Variants in CTNNA2 observed in about 807,000 individuals in gnomAD.
CTNNA2 encodes the protein catenin alpha 2.
Under a neutral mutation model 101.0 loss-of-function variants are expected in CTNNA2, and 42 were observed. That is an observed-to-expected ratio of 0.42 (90% CI 0.32 to 0.54). The LOEUF is 0.54. Ranked by LOEUF, CTNNA2 falls within the 20% of genes least tolerant of loss-of-function variation. The pLI is 0.14. For synonymous variants in CTNNA2, 450 were observed against 456.4 expected (o/e 0.99, Z 0.18); for missense variants, 871 against 1,223.1 (o/e 0.71, Z 4.29).
At chr2:80,057,026 A>G (rs72924629) in intron 7 of CTNNA2, among the ~76,000 whole-genome samples, 3,477 of 152,274 alleles carry the variant, frequency 0.023, 130 homozygotes, top group African/African-American at 0.079. Flanking sequence ...GAACGGGTGA[A>G]GTTAACTCAT....
chr2:79,476,303 G>A (rs1375730832), intron 4 of CTNNA2, among the ~76,000 whole-genome samples: 1 of 152,112 alleles, frequency 6.6e-6, no homozygotes, highest in Non-Finnish European at 1.5e-5. Context: ...TGGAGTATAG[G>A]CACAGTATCT....
At chr2:79,966,521 C>CA (rs1690074302) in intron 7 of CTNNA2, among the ~76,000 whole-genome samples, 1 of 152,164 alleles carries the variant, frequency 6.6e-6, no homozygotes, top group Admixed American at 6.5e-5. Context: ...CAGGCTTTAG[C>CA]CTCTGTGCCT....
At chr2:80,212,698 G>A (rs1707980833) in intron 7 of CTNNA2, among the ~76,000 whole-genome samples, 1 of 152,126 alleles carries the variant, frequency 6.6e-6, no homozygotes. Context: ...TTGTGTCTCT[G>A]CCAGGCTTTG....
At chr2:79,296,180 T>C (rs1482168509) in intron 2 of CTNNA2, among the ~76,000 whole-genome samples, 1 of 152,114 alleles carries the variant, frequency 6.6e-6, no homozygotes, top group Non-Finnish European at 1.5e-5. Context: ...GTATCCAGGA[T>C]ACAAACATTA....
intron 1 of CTNNA2, among the ~76,000 whole-genome samples, chr2:79,564,084 C>G (rs1216709205): frequency 6.6e-6 from 1 of 152,016 alleles, no homozygotes; most frequent in Non-Finnish European, 1.5e-5. Context: ...CGTGGGTTTG[C>G]GTATCACCTA....
intron 4 of CTNNA2, among the ~76,000 whole-genome samples, chr2:79,472,890 T>C (rs1047198846): frequency 6.6e-6 from 1 of 152,256 alleles, no homozygotes; most frequent in African/African-American, 2.4e-5. Flanking sequence ...GTATCCAATT[T>C]AATTATGCTA....
chr2:79,280,686 A>G, intron 2 of CTNNA2, among the ~76,000 whole-genome samples: 1 of 39,092 alleles, frequency 2.6e-5, no homozygotes, highest in East Asian at 6.8e-4. Flanking sequence ...AGAGAGAGAA[A>G]GAGAGAGAGA....
intron 7 of CTNNA2, among the ~76,000 whole-genome samples, chr2:80,211,906 G>C (rs1707918403): frequency 6.6e-6 from 1 of 152,102 alleles, no homozygotes; most frequent in African/African-American, 2.4e-5. Flanking sequence ...GCAGTGGTTT[G>C]TAGTTCTCCT....
rs9973931 is a variant in CTNNA2 at position 80,219,872 on chromosome 2, G to A, written c.1057-173339G>A. 5.5e-4 allele frequency among the ~76,000 whole-genome samples: 84 copies of A among 151,992 alleles called. 1 individual carries two copies. The highest frequency in any genetic ancestry group is 1.6e-3 in the African/African-American group (67 of 41,472). On this transcript the variant is annotated intron_variant, in intron 7 of 18. Transcript: ENST00000402739. ...AACACATCAAGAGAGGTTTCTCTAT[G>A]CAACTTTATGTTTAATTACTCTGCA...
intron 2 of CTNNA2, among the ~76,000 whole-genome samples, chr2:79,211,893 G>A (rs939799293): frequency 1.3e-5 from 2 of 152,276 alleles, no homozygotes; most frequent in African/African-American, 2.4e-5. Flanking sequence ...GATTAGGGGC[G>A]GCGCGGGAAC....
chr2:79,598,612 G>A (rs1158951536), intron 1 of CTNNA2, among the ~76,000 whole-genome samples: 2 of 152,136 alleles, frequency 1.3e-5, no homozygotes, highest in African/African-American at 4.8e-5. Flanking sequence ...ATCTAATTTG[G>A]TGAGATATCT....
chr2:80,394,393 T>C (rs1192480455), intron 8 of CTNNA2, among the ~76,000 whole-genome samples: 1 of 152,194 alleles, frequency 6.6e-6, no homozygotes, highest in Admixed American at 6.5e-5. Flanking sequence ...TCAGAAGATA[T>C]CACAATTATT....
At chr2:80,253,962 G>A (rs1671952076) in intron 7 of CTNNA2, among the ~76,000 whole-genome samples, 1 of 151,996 alleles carries the variant, frequency 6.6e-6, no homozygotes, top group Admixed American at 6.6e-5. Context: ...ATAGGTCTGG[G>A]GTAAGATCAT....
chr2:79,426,374 TGGTAAC>T (rs1182573345), intron 4 of CTNNA2, among the ~76,000 whole-genome samples: 1 of 152,154 alleles, frequency 6.6e-6, no homozygotes, highest in Non-Finnish European at 1.5e-5. Context: ...ATTTAAACAA[TGGTAAC>T]ATTATTTGTG....
intron 2 of CTNNA2, among the ~76,000 whole-genome samples, chr2:79,294,472 T>G (rs1218776486): frequency 6.6e-6 from 1 of 152,058 alleles, no homozygotes; most frequent in Non-Finnish European, 1.5e-5. Context: ...GGGACACAAT[T>G]TAGTCCATAC....
intron 7 of CTNNA2, among the ~76,000 whole-genome samples, chr2:80,005,769 A>ATT (rs1431737486): frequency 1.5e-4 from 14 of 92,578 alleles, no homozygotes; most frequent in Admixed American, 4.0e-4. Context: ...CACTATGTTT[A>ATT]TTTGTTTTTT....
At chr2:79,585,777 C>T (rs2103940482) in intron 1 of CTNNA2, among the ~76,000 whole-genome samples, 1 of 149,242 alleles carries the variant, frequency 6.7e-6, no homozygotes, top group Non-Finnish European at 1.5e-5. Flanking sequence ...GCAATTTTCT[C>T]CTCCTGCCTC....
intron 2 of CTNNA2, among the ~76,000 whole-genome samples, chr2:79,728,325 C>T (rs996758920): frequency 1.3e-5 from 2 of 152,230 alleles, no homozygotes; most frequent in East Asian, 3.9e-4. Flanking sequence ...TCTCTGATGG[C>T]CAGTGATGAT....
At position 80,163,179 on chromosome 2, in the gene CTNNA2, C is replaced by T. The variant is rs139114187; in HGVS notation, c.1057-230032C>T. 547 of 1,372,912 alleles carry T rather than the reference C, an allele frequency of 4.0e-4. No homozygotes were observed. In the African/African-American group the frequency reaches 5.4e-3, roughly 14 times the overall value. 85.0% of individuals were successfully genotyped at this position (1,372,912 alleles called of 1,614,324 possible). On this transcript the variant is annotated intron_variant, in intron 7 of 18. Transcript: ENST00000402739. ...TGGAAAACCTCGAAAAGGAGCTCCT[C>T]GGTCACTTTCATTTCAAGGTTGCCC... is the stretch of plus-strand genomic sequence containing the variant.
Sources: gnomAD v4.1 joint callset for allele counts (sites outside exome capture counted in the v4.1 genomes callset) on GRCh38, gnomAD v4.1.1 for gene constraint, MANE v1.5 for transcripts, NCBI Gene and HGNC (gene_info 2026-07-23, HGNC 2026-07-21) for gene names.